The following SLC25A28 variants were observed in gnomAD, a reference collection of about 807,000 sequenced individuals.
The protein encoded by SLC25A28 is mitoferrin-2.
Under a neutral mutation model 31.9 loss-of-function variants are expected in SLC25A28, and 10 were observed. The ratio of observed to expected loss-of-function variants is 0.31; its 90% CI spans 0.19 to 0.53. SLC25A28 has a LOEUF of 0.53. Among genes scored for constraint, SLC25A28 ranks in the 20% least tolerant of loss-of-function variants. The probability of loss-of-function intolerance (pLI) is 0.95; values close to 1 mark genes in which losing one functional copy is unlikely to be tolerated. For missense variants in SLC25A28, 256 were observed against 490.3 expected (o/e 0.52, Z 4.51); for synonymous variants, 208 against 203.6 (o/e 1.02, Z -0.19).
chr10:99,653,997 G>T, the SLC25A28 span: 2 of 152,248 alleles, frequency 1.3e-5, no homozygotes, highest in Non-Finnish European at 2.9e-5. Flanking sequence ...GGTAACATTT[G>T]AGCTGAGTTT....
chr10:99,615,052 G>T (rs924859307), intron 1 of SLC25A28, among the ~76,000 whole-genome samples: 5 of 152,090 alleles, frequency 3.3e-5, no homozygotes, highest in African/African-American at 1.2e-4. Flanking sequence ...ATTCTATTTG[G>T]ATTTAAAAGC....
the SLC25A28 span, chr10:99,653,797 G>A: frequency 6.6e-6 from 1 of 152,106 alleles, no homozygotes; most frequent in African/African-American, 2.4e-5. Context: ...TAAGCCCAAG[G>A]GATTCCATCT....
chr10:99,620,070 A>C lies in SLC25A28; in HGVS notation c.266T>G (p.Val89Gly), dbSNP rs1309101887. Residue 89 changes from valine to glycine, a missense_variant, in exon 1 of 4, where the codon GTG (valine) becomes GGG (glycine). Physicochemically the swap from Val to Gly is moderately radical, Grantham distance 109 (BLOSUM62 -3). Coordinates refer to ENST00000370495, the MANE Select transcript of SLC25A28 (RefSeq NM_031212.4). Reference protein sequence around the residue: ...GAVAGILEHCVMYPIDCVKTR... With the variant: ...GAVAGILEHCGMYPIDCVKTR... ...CTTGACGCAGTCGATGGGGTACATC[A>C]CGCAGTGCTCCAGGATCCCTGCCAC... 1 of 1,582,450 alleles carries C rather than the reference A, an allele frequency of 6.3e-7. No homozygotes were observed. Among genetic ancestry groups the C allele is most frequent in the Non-Finnish European group, 8.5e-7 (1 of 1,171,774 alleles).
At chr10:99,642,231 C>T in the SLC25A28 span, among the ~76,000 whole-genome samples, 1 of 152,172 alleles carries the variant, frequency 6.6e-6, no homozygotes, top group Non-Finnish European at 1.5e-5. Context: ...TTTGTGTCCT[C>T]TTTTATTTCA....
the SLC25A28 span, among the ~76,000 whole-genome samples, chr10:99,650,178 A>G: frequency 6.6e-6 from 1 of 151,638 alleles, no homozygotes. Context: ...TTCCATCTTA[A>G]TTTCTTTCTC....
chr10:99,620,879 G>A (rs923299546), upstream of SLC25A28: 24 of 985,366 alleles, frequency 2.4e-5, no homozygotes, highest in African/African-American at 3.5e-5. Context: ...CCTGTGCGCG[G>A]GATCGCGTCG....
chr10:99,622,876 C>T (rs1038346437), upstream of SLC25A28, among the ~76,000 whole-genome samples: 1 of 152,106 alleles, frequency 6.6e-6, no homozygotes, highest in Non-Finnish European at 1.5e-5. Flanking sequence ...TTATTGTGTA[C>T]CAACTGTGTA....
chr10:99,615,531 C>A (rs912062309), intron 1 of SLC25A28: 25 of 985,264 alleles, frequency 2.5e-5, no homozygotes, highest in African/African-American at 5.2e-5. Context: ...CAACAAAAAA[C>A]CGGAAGCTTA....
In SLC25A28 at chr10:99,613,080, C is replaced by T. The variant is rs2034568229; in HGVS notation, c.521-481G>A. On this transcript the variant is annotated intron_variant, in intron 2 of 3. Transcript: ENST00000370495. The surrounding 1 kb of genome is among the most constrained non-coding windows in gnomAD (Gnocchi z 4.9). Reference sequence around the variant, plus strand: ...GATCTTTCGTTCAGGTCCTGAACTACTCTACCCCTCATCCTCTCCACACTC... The same window carrying T: ...GATCTTTCGTTCAGGTCCTGAACTATTCTACCCCTCATCCTCTCCACACTC... Among the ~76,000 whole-genome samples, 1 of 152,178 alleles carries T rather than the reference C, an allele frequency of 6.6e-6. No homozygotes were observed. Among genetic ancestry groups the T allele is most frequent in the Non-Finnish European group, 1.5e-5 (1 of 68,022 alleles).
At chr10:99,622,678 C>T (rs1022481547), upstream of SLC25A28, 2 of 985,356 alleles carry the variant, frequency 2.0e-6, no homozygotes, top group Admixed American at 1.2e-4. Context: ...ACCTTTTAGA[C>T]ATCTCAGTCG....
chr10:99,626,762 A>G, the SLC25A28 span, among the ~76,000 whole-genome samples: 1 of 149,076 alleles, frequency 6.7e-6, no homozygotes, highest in African/African-American at 2.5e-5. Context: ...GTGTACATAA[A>G]TATGGTACAG....
chr10:99,647,076 C>T, the SLC25A28 span, among the ~76,000 whole-genome samples: 1 of 152,174 alleles, frequency 6.6e-6, no homozygotes, highest in Admixed American at 6.5e-5. Context: ...TGCTGATGGA[C>T]ACAGTTTGAT....
upstream of SLC25A28, among the ~76,000 whole-genome samples, chr10:99,623,768 G>A (rs1436061201): frequency 6.6e-6 from 1 of 152,208 alleles, no homozygotes. Context: ...TGTTCAAATG[G>A]TGGAGACTCT....
At chr10:99,645,909 T>C in the SLC25A28 span, among the ~76,000 whole-genome samples, 2 of 152,226 alleles carry the variant, frequency 1.3e-5, no homozygotes, top group African/African-American at 4.8e-5. Context: ...TGCTGCCTGA[T>C]CCTTCCTCTG....
At chr10:99,645,659 T>C in the SLC25A28 span, among the ~76,000 whole-genome samples, 1 of 152,248 alleles carries the variant, frequency 6.6e-6, no homozygotes, top group African/African-American at 2.4e-5. Flanking sequence ...GTTTTCAGCT[T>C]TTCTGCTCTG....
At chr10:99,640,570 C>CT in the SLC25A28 span, among the ~76,000 whole-genome samples, 83 of 152,046 alleles carry the variant, frequency 5.5e-4, no homozygotes, top group Admixed American at 9.2e-4. Flanking sequence ...CAGATTTCTT[C>CT]TTTTTTTTAT....
intron 1 of SLC25A28, chr10:99,618,782 T>C: frequency 1.0e-6 from 1 of 985,434 alleles, no homozygotes; most frequent in Non-Finnish European, 1.2e-6. Context: ...TCCCCCCATT[T>C]CCTTATCCAC....
the SLC25A28 span, among the ~76,000 whole-genome samples, chr10:99,657,094 G>A: frequency 6.6e-6 from 1 of 152,180 alleles, no homozygotes; most frequent in Non-Finnish European, 1.5e-5. Flanking sequence ...ATGTAGTTAT[G>A]AAATGTAAAT....
chr10:99,622,135 T>C (rs1323685334), upstream of SLC25A28, among the ~76,000 whole-genome samples: 3 of 152,216 alleles, frequency 2.0e-5, no homozygotes, highest in East Asian at 5.8e-4. Context: ...CTGGACAACA[T>C]GGCAAAACCC....
Sources: gnomAD v4.1 joint callset for allele counts (sites outside exome capture counted in the v4.1 genomes callset) on GRCh38, gnomAD v4.1.1 for gene constraint, Gnocchi (gnomAD v3.1) non-coding constraint, MANE v1.5 for transcripts, NCBI Gene and HGNC (gene_info 2026-07-23, HGNC 2026-07-21) for gene names.